Variants in GPC3 observed in about 807,000 individuals in gnomAD.
GPC3 encodes the protein glypican-3.
In GPC3, 3 loss-of-function variants were observed where a neutral mutation model predicts 34.4. The ratio of observed to expected loss-of-function variants is 0.09; its 90% CI spans 0.04 to 0.23. GPC3 has a LOEUF of 0.23. GPC3 is among the 10% of genes least tolerant of loss of function. The pLI is 1.00. For missense variants in GPC3, 351 were observed against 445.6 expected (o/e 0.79, Z 1.91); for synonymous variants, 177 against 174.0 (o/e 1.02, Z -0.13).
chrX:133,936,582 T>G (rs1569456827), intron 2 of GPC3, among the ~76,000 whole-genome samples: 1 of 112,226 alleles, frequency 8.9e-6, no homozygotes, highest in Non-Finnish European at 1.9e-5. Flanking sequence ...AGACAATCAC[T>G]GATCTTTTAT....
chrX:133,598,326 T>A (rs2124333128), intron 6 of GPC3, among the ~76,000 whole-genome samples: 1 of 110,540 alleles, frequency 9.0e-6, no homozygotes, highest in Non-Finnish European at 1.9e-5. Flanking sequence ...CTAATTTTTT[T>A]TTTTTTTTTT....
chrX:133,773,887 C>T (rs1371498411), intron 2 of GPC3, among the ~76,000 whole-genome samples: 1 of 111,720 alleles, frequency 9.0e-6, no homozygotes, highest in Non-Finnish European at 1.9e-5. Flanking sequence ...GGAGACAGGA[C>T]TACCTGAGTG....
At chrX:133,740,014 A>G (rs1038164085) in intron 3 of GPC3, among the ~76,000 whole-genome samples, 2 of 112,258 alleles carry the variant, frequency 1.8e-5, no homozygotes, top group Middle Eastern at 4.6e-3. Context: ...TGTGCAGGGT[A>G]TTGACTCAGC....
intron 2 of GPC3, among the ~76,000 whole-genome samples, chrX:133,785,515 A>G (rs772686139): frequency 7.1e-5 from 8 of 112,055 alleles, no homozygotes; most frequent in Admixed American, 1.9e-4. Flanking sequence ...ACAGGTACCA[A>G]TATAAATATA....
At chrX:133,851,404 T>A (rs1401984165) in intron 2 of GPC3, among the ~76,000 whole-genome samples, 1 of 111,904 alleles carries the variant, frequency 8.9e-6, no homozygotes, top group East Asian at 2.8e-4. Flanking sequence ...CATCTTACCC[T>A]CCTGATAAAC....
intron 3 of GPC3, among the ~76,000 whole-genome samples, chrX:133,743,822 C>A (rs1569424323): frequency 9.0e-6 from 1 of 111,544 alleles, no homozygotes; most frequent in Non-Finnish European, 1.9e-5. Flanking sequence ...GATATACAGA[C>A]CAATGGAACA....
intron 2 of GPC3, among the ~76,000 whole-genome samples, chrX:133,850,189 G>GTTTT (rs1282213093): frequency 0.011 from 808 of 72,425 alleles, 45 homozygotes; most frequent in African/African-American, 0.058. Context: ...TGTTTTTTGG[G>GTTTT]TTTTGTTTTT....
intron 2 of GPC3, among the ~76,000 whole-genome samples, chrX:133,860,638 C>T (rs1476492556): frequency 1.8e-5 from 2 of 111,909 alleles, no homozygotes; most frequent in African/African-American, 3.2e-5. Flanking sequence ...GAACTGATTA[C>T]TCTAGAGCTG....
intron 2 of GPC3, among the ~76,000 whole-genome samples, chrX:133,776,797 C>T (rs1017030519): frequency 1.8e-5 from 2 of 110,290 alleles, no homozygotes; most frequent in African/African-American, 3.3e-5. Context: ...TCACAGTCCA[C>T]GAACTTTGCT....
At chrX:133,916,151 A>C (rs2076223979) in intron 2 of GPC3, among the ~76,000 whole-genome samples, 1 of 109,347 alleles carries the variant, frequency 9.1e-6, no homozygotes. Context: ...TCTCAAAAAA[A>C]AAAAAAAAAA....
intron 7 of GPC3, among the ~76,000 whole-genome samples, chrX:133,574,927 T>C (rs774470043): frequency 8.9e-6 from 1 of 111,889 alleles, no homozygotes; most frequent in Non-Finnish European, 1.9e-5. Flanking sequence ...GACCTCAACA[T>C]TGGCTGAAGC....
chrX:133,814,215 C>T (rs769245846), intron 2 of GPC3, among the ~76,000 whole-genome samples: 1 of 111,180 alleles, frequency 9.0e-6, no homozygotes, highest in African/African-American at 3.3e-5. Context: ...TGGCTAGTTA[C>T]TCAGGACACT....
intron 3 of GPC3, among the ~76,000 whole-genome samples, chrX:133,751,492 CA>C (rs1383137587): frequency 2.1e-4 from 24 of 112,391 alleles, no homozygotes; most frequent in African/African-American, 7.8e-4. Flanking sequence ...AATATTTTCA[CA>C]GGAAATGTGT....
intron 2 of GPC3, among the ~76,000 whole-genome samples, chrX:133,756,789 C>T (rs761449125): frequency 8.0e-5 from 9 of 112,653 alleles, no homozygotes; most frequent in Admixed American, 6.6e-4. Flanking sequence ...CTCCAACTTC[C>T]GCAGCTCAGA....
chrX:133,822,286 G>T (rs2075723444), intron 2 of GPC3, among the ~76,000 whole-genome samples: 1 of 111,564 alleles, frequency 9.0e-6, no homozygotes, highest in Admixed American at 9.5e-5. Flanking sequence ...ACAGTGCCTT[G>T]TATTCATGTA....
chrX:133,662,108 C>A (rs769964271), intron 5 of GPC3, among the ~76,000 whole-genome samples: 1 of 111,565 alleles, frequency 9.0e-6, no homozygotes, highest in East Asian at 2.8e-4. Context: ...GGTCTGTGTG[C>A]CCTTATTGTG....
rs759543703 is a variant in GPC3, at chrX:133,596,452, G to A, written c.1561C>T (p.Arg521Cys). ...DGMIKVKNQL[R>C]FLAELAYDLD... Reference sequence around the variant, plus strand: ...ACTAATCAGTTACCTGCAAGGAAGCGGAGCTGATTCTTCACTTTTATCATT... The same window carrying A: ...ACTAATCAGTTACCTGCAAGGAAGCAGAGCTGATTCTTCACTTTTATCATT... The change falls in exon 7 of 8, where the codon CGC (arginine) becomes TGC (cysteine). Residue 521 changes from arginine to cysteine, a missense_variant. Coordinates refer to ENST00000370818, the MANE Select transcript of GPC3 (RefSeq NM_004484.4). 6 of 1,207,360 alleles carry A rather than the reference G, an allele frequency of 5.0e-6. No homozygotes were observed. The highest frequency in any genetic ancestry group is 3.5e-5 in the South Asian group (2 of 56,731).
At chrX:133,771,143 C>T (rs973998731) in intron 2 of GPC3, among the ~76,000 whole-genome samples, 2 of 111,971 alleles carry the variant, frequency 1.8e-5, no homozygotes, top group African/African-American at 6.5e-5. Context: ...TACTTAAAGG[C>T]CCGGGCACTA....
At chrX:133,838,242 T>A (rs1178622412) in intron 2 of GPC3, among the ~76,000 whole-genome samples, 1 of 112,712 alleles carries the variant, frequency 8.9e-6, no homozygotes, top group East Asian at 2.8e-4. Flanking sequence ...ACTTGTAATT[T>A]ATTTTTTCCT....
Sources: gnomAD v4.1 joint callset for allele counts (sites outside exome capture counted in the v4.1 genomes callset) on GRCh38, gnomAD v4.1.1 for gene constraint, MANE v1.5 for transcripts, NCBI Gene and HGNC (gene_info 2026-07-23, HGNC 2026-07-21) for gene names.